Variants in LHX6 observed in about 807,000 individuals in gnomAD.
LHX6 encodes LIM homeobox 6.
Under a neutral mutation model 47.1 loss-of-function variants are expected in LHX6, and 15 were observed. The ratio of observed to expected loss-of-function variants is 0.32; its 90% CI spans 0.21 to 0.49. LHX6 has a LOEUF of 0.49. LHX6 is among the 20% of genes least tolerant of loss of function. LHX6 has a pLI of 0.99. For missense variants in LHX6, 404 were observed against 539.6 expected (o/e 0.75, Z 2.49); for synonymous variants, 242 against 233.5 (o/e 1.04, Z -0.33).
chr9:122,225,060 C>G (rs996749836), intron 4 of LHX6, among the ~76,000 whole-genome samples: 1 of 152,222 alleles, frequency 6.6e-6, no homozygotes, highest in African/African-American at 2.4e-5. Flanking sequence ...CAACCTCCCC[C>G]TAGACTCAAG....
intron 9 of LHX6, among the ~76,000 whole-genome samples, chr9:122,207,306 GA>G (rs1384650850): frequency 1.3e-5 from 2 of 152,242 alleles, no homozygotes; most frequent in African/African-American, 4.8e-5. Context: ...TGAGGTCGGA[GA>G]GAGGGCTGTG....
chr9:122,213,552 C>T lies in LHX6; in HGVS notation c.1054+54G>A. 2 of 1,480,108 alleles carry T rather than the reference C, an allele frequency of 1.4e-6. No individual in the cohort carries two copies. The highest frequency in any genetic ancestry group is 2.3e-5 in the Admixed American group (1 of 44,024). The allele number at this position is 1,480,108 out of a possible 1,614,324, so 91.7% of individuals were successfully genotyped here. ...TCGGCCTCAGCCGCCCACGTGCGCT[C>T]CTCCGCGCCCCCTCCCCGCAGGCCC... On this transcript the variant is annotated intron_variant, in intron 8 of 9. Coordinates refer to ENST00000394319, the MANE Select transcript of LHX6 (RefSeq NM_014368.5). The surrounding 1 kb of genome is among the most constrained non-coding windows in gnomAD (Gnocchi z 5.5).
rs946026761 is a variant in LHX6 at position 122,217,737 on chromosome 9, C to G, written c.462-449G>C. On this transcript the variant is annotated intron_variant, in intron 4 of 9. Coordinates refer to ENST00000394319, the MANE Select transcript of LHX6 (RefSeq NM_014368.5). The surrounding 1 kb of genome is among the most constrained non-coding windows in gnomAD (Gnocchi z 4.9). ...GTAAAGTAACTTGCAGGAGGTCACACCGCTTGCAATGATAGGAACCCTAGC... is the reference window on the plus strand; with the variant it reads ...GTAAAGTAACTTGCAGGAGGTCACAGCGCTTGCAATGATAGGAACCCTAGC... 1.3e-5 allele frequency among the ~76,000 whole-genome samples: 2 copies of G among 152,160 alleles called. No individual in the cohort carries two copies. The highest frequency in any genetic ancestry group is 1.3e-4 in the Admixed American group (2 of 15,276).
chr9:122,227,151 G>T (rs1052054512), intron 2 of LHX6, 121 bp from the exon 3 acceptor site: 2 of 971,084 alleles, frequency 2.1e-6, no homozygotes, highest in South Asian at 3.6e-5. Context: ...AGGACAATGC[G>T]CCGTAGACTG....
At chr9:122,224,309 G>C (rs1831000223) in intron 4 of LHX6, among the ~76,000 whole-genome samples, 1 of 152,122 alleles carries the variant, frequency 6.6e-6, no homozygotes. Flanking sequence ...ATAGGTGTGA[G>C]CCACCACACC....
chr9:122,214,385 TG>T lies in LHX6; in HGVS notation c.683-3del. The T allele has an allele frequency of 1.3e-6, 2 of 1,561,390 alleles. No individual in the cohort carries two copies. The highest frequency in any genetic ancestry group is 8.6e-7 in the Non-Finnish European group (1 of 1,158,744). ...CCCCCTCCAACGTGAGGCCGTTCCC[TG>T]GGGGCGATAGAAGCAGCTGACCACG... is the stretch of plus-strand genomic sequence containing the variant. On this transcript the variant is annotated splice_region_variant and splice_polypyrimidine_tract_variant and intron_variant, in intron 5 of 9. Coordinates refer to ENST00000394319, the MANE Select transcript of LHX6 (RefSeq NM_014368.5). The surrounding 1 kb of genome is among the most constrained non-coding windows in gnomAD (Gnocchi z 4.6).
Position 122,226,184 on chromosome 9 carries a change from A to C in LHX6, c.461+192T>G, listed in dbSNP as rs1045349998. Among the ~76,000 whole-genome samples the C allele has an allele frequency of 6.6e-6, 1 of 152,214 alleles. No individual in the cohort carries two copies. Among genetic ancestry groups the C allele is most frequent in the African/African-American group, 2.4e-5 (1 of 41,456 alleles). On this transcript the variant is annotated intron_variant, in intron 4 of 9. Coordinates refer to ENST00000394319, the MANE Select transcript of LHX6 (RefSeq NM_014368.5). The surrounding 1 kb of genome is among the most constrained non-coding windows in gnomAD (Gnocchi z 6.5). ...GCAGATCCGGGGCGCAAACCTGTGC[A>C]GGCACTGGCGCGCTGCCTGGAGCTC... is the stretch of plus-strand genomic sequence containing the variant.
chr9:122,207,297 G>A (rs1830218630), intron 9 of LHX6, among the ~76,000 whole-genome samples: 1 of 152,244 alleles, frequency 6.6e-6, no homozygotes, highest in Non-Finnish European at 1.5e-5. Flanking sequence ...TATGAAGGAT[G>A]AGGTCGGAGA....
Position 122,226,718 on chromosome 9 carries a change from C to G in LHX6, c.339+130G>C. ...GCTCAGGCAGACCCTAAGTCTTGCC[C>G]AAAGCTTCGCAGTCGGGCAGCAGTG... On this transcript the variant is annotated intron_variant, in intron 3 of 9. Coordinates refer to ENST00000394319, the MANE Select transcript of LHX6 (RefSeq NM_014368.5). The surrounding 1 kb of genome is among the most constrained non-coding windows in gnomAD (Gnocchi z 6.5). 7.8e-7 allele frequency: 1 copy of G among 1,276,418 alleles called. No homozygotes were observed. The highest frequency in any genetic ancestry group is 1.5e-5 in the South Asian group (1 of 66,108). The allele number at this position is 1,276,418 out of a possible 1,614,324, so 79.1% of individuals were successfully genotyped here.
intron 4 of LHX6, among the ~76,000 whole-genome samples, chr9:122,223,120 T>C (rs1830941014): frequency 6.6e-6 from 1 of 152,232 alleles, no homozygotes; most frequent in South Asian, 2.1e-4. Context: ...AGTCCTTGCC[T>C]GGCACTCGAT....
intron 9 of LHX6, among the ~76,000 whole-genome samples, 199 bp downstream of exon 9, chr9:122,209,415 A>G (rs1172541389): frequency 1.3e-5 from 2 of 152,244 alleles, no homozygotes; most frequent in African/African-American, 4.8e-5. Context: ...AGGCCTTCGG[A>G]GTGGCCATGC....
chr9:122,228,111 C>CCCCCCCCCCCCCG, intron 1 of LHX6: 1 of 564,694 alleles, frequency 1.8e-6, no homozygotes, highest in Admixed American at 3.2e-5. Flanking sequence ...AGCACCCGCC[C>CCCCCCCCCCCCCG]GCCCGCCCGC....
At chr9:122,207,788 T>A (rs1830240996) in intron 9 of LHX6, among the ~76,000 whole-genome samples, 1 of 151,906 alleles carries the variant, frequency 6.6e-6, no homozygotes, top group Non-Finnish European at 1.5e-5. Context: ...AAAGGAGCTG[T>A]CCCCACCCCG....
intron 9 of LHX6, 27 bp downstream of exon 9, chr9:122,209,587 C>T (rs2118833943): frequency 1.2e-6 from 2 of 1,613,620 alleles, no homozygotes; most frequent in Non-Finnish European, 1.7e-6. Flanking sequence ...GGCTCTGACC[C>T]ACCAGACCCA....
At chr9:122,209,022 C>T (rs1013099980) in intron 9 of LHX6, among the ~76,000 whole-genome samples, 13 of 152,160 alleles carry the variant, frequency 8.5e-5, no homozygotes, top group African/African-American at 2.9e-4. Context: ...TTCAGAGCAG[C>T]TCCATCCACC....
chr9:122,220,132 C>T (rs1242575767), intron 4 of LHX6, among the ~76,000 whole-genome samples: 1 of 152,230 alleles, frequency 6.6e-6, no homozygotes, highest in Admixed American at 6.5e-5. Flanking sequence ...CCCGCGAGTC[C>T]CCGACGCCCG....
intron 9 of LHX6, among the ~76,000 whole-genome samples, chr9:122,206,969 T>C (rs1411532562): frequency 2.0e-5 from 3 of 152,148 alleles, no homozygotes; most frequent in East Asian, 3.9e-4. Flanking sequence ...CTGCCTCCTC[T>C]TCTGGGTCCT....
Position 122,228,721 on chromosome 9 carries a change from T to C in LHX6, c.20A>G (p.Asn7Ser). The change falls in exon 1 of 10, where the codon AAC becomes AGC. Residue 7 changes from asparagine to serine, a missense_variant. By Grantham distance (46) the Asn-to-Ser change is conservative (BLOSUM62 1). Around this residue, in one of 7 missense-constraint regions of LHX6, gnomAD observed 144 missense variants for 128.7 expected, o/e 1.12. Coordinates refer to ENST00000394319, the MANE Select transcript of LHX6 (RefSeq NM_014368.5). The part of the protein sequence containing the change: MYWKHE[N>S]AAPALPEGCR... ...GCCCTCGGGCAACGCCGGGGCGGCGTTCTCATGCTTCCAGTACATGGGCCG... is the reference window on the plus strand; with the variant it reads ...GCCCTCGGGCAACGCCGGGGCGGCGCTCTCATGCTTCCAGTACATGGGCCG... 7.8e-7 allele frequency: 1 copy of C among 1,288,276 alleles called. No individual in the cohort carries two copies. The highest frequency in any genetic ancestry group is 9.8e-7 in the Non-Finnish European group (1 of 1,016,912). 79.8% of individuals were successfully genotyped at this position (1,288,276 alleles called of 1,614,324 possible). A position where few individuals can be genotyped will look rare whatever the true frequency, so the allele number is the denominator to read the frequency against.
At position 122,227,299 on chromosome 9, in the gene LHX6, G is replaced by T. The variant is rs1041455536; in HGVS notation, c.156+110C>A. 9.6e-6 allele frequency: 11 copies of T among 1,149,628 alleles called. No individual in the cohort carries two copies. The Admixed American group carries it at 2.7e-4, about 28-fold the overall frequency. 71.2% of individuals were successfully genotyped at this position (1,149,628 alleles called of 1,614,324 possible). On this transcript the variant is annotated intron_variant, in intron 2 of 9. Coordinates refer to ENST00000394319, the MANE Select transcript of LHX6 (RefSeq NM_014368.5). ...GGCTCAGAGAGGGGCGGCGCCCGCC[G>T]GGAGTCCCCCAGAGCGTGAGCAGCA... is the stretch of plus-strand genomic sequence containing the variant.
Sources: gnomAD v4.1 joint callset for allele counts (sites outside exome capture counted in the v4.1 genomes callset) on GRCh38, gnomAD v4.1.1 for gene constraint, gnomAD v4.1.1 regional missense constraint, Gnocchi (gnomAD v3.1) non-coding constraint, MANE v1.5 for transcripts, NCBI Gene and HGNC (gene_info 2026-07-23, HGNC 2026-07-21) for gene names.